Variants in XKR4 observed in about 807,000 individuals in gnomAD.
The protein encoded by XKR4 is XK related 4.
A neutral mutation model predicts 53.9 loss-of-function variants in XKR4; 12 were observed. That is an observed-to-expected ratio of 0.22 (90% CI 0.14 to 0.36). The LOEUF (loss-of-function observed/expected upper bound fraction) is 0.36. XKR4 is among the 10% of genes least tolerant of loss of function. The pLI, the probability that XKR4 is intolerant of heterozygous loss-of-function variation, is 1.00. For synonymous variants in XKR4, 354 were observed against 362.4 expected (o/e 0.98, Z 0.26); for missense variants, 799 against 859.5 (o/e 0.93, Z 0.88).
Position 55,300,715 on chromosome 8 carries a change from A to G in XKR4, c.807-56963A>G, listed in dbSNP as rs200113356. On this transcript the variant is annotated intron_variant, in intron 1 of 2. Transcript: ENST00000327381. The stretch of plus-strand genomic sequence containing the variant: ...GGCCACCTTCAGGGCAGCTTTACTA[A>G]ATGTGGGGGAATAAGGTGCTTCCAT... Among the ~76,000 whole-genome samples, 7 of 152,192 alleles carry G rather than the reference A, an allele frequency of 4.6e-5. No homozygotes were observed. In the East Asian group the frequency reaches 1.4e-3, roughly 30 times the overall value.
chr8:55,363,291 C>T (rs747171222), intron 2 of XKR4, among the ~76,000 whole-genome samples: 2 of 152,174 alleles, frequency 1.3e-5, no homozygotes, highest in Non-Finnish European at 2.9e-5. Context: ...ACCGACTTCT[C>T]ATTCCTTCAT....
chr8:55,408,679 T>C (rs1349703011), intron 2 of XKR4, among the ~76,000 whole-genome samples: 1 of 152,106 alleles, frequency 6.6e-6, no homozygotes, highest in Admixed American at 6.5e-5. Context: ...CCCAAGCTTG[T>C]AGGCTATTGG....
At chr8:55,474,933 T>C (rs2975955) in intron 2 of XKR4, among the ~76,000 whole-genome samples, 116,432 of 152,056 alleles carry the variant, frequency 0.77, 45,372 homozygotes, top group African/African-American at 0.91. Context: ...CTTAGAGTCC[T>C]GAGCAAGGAA....
intron 1 of XKR4, among the ~76,000 whole-genome samples, chr8:55,206,879 A>C (rs1220713393): frequency 1.3e-5 from 2 of 152,244 alleles, no homozygotes; most frequent in African/African-American, 4.8e-5. Context: ...AAGGCTTAGA[A>C]TTACAGAGCA....
chr8:55,180,673 A>G (rs1817298309), intron 1 of XKR4, among the ~76,000 whole-genome samples: 2 of 152,096 alleles, frequency 1.3e-5, no homozygotes, highest in African/African-American at 4.8e-5. Flanking sequence ...CTGGGATTAC[A>G]GGCACCCGCC....
At chr8:55,403,909 A>G (rs1804646128) in intron 2 of XKR4, among the ~76,000 whole-genome samples, 1 of 152,246 alleles carries the variant, frequency 6.6e-6, no homozygotes. Flanking sequence ...CCGGAAGCTC[A>G]TAGAACGCCA....
At chr8:55,329,591 C>T (rs781610823) in intron 1 of XKR4, among the ~76,000 whole-genome samples, 1 of 152,150 alleles carries the variant, frequency 6.6e-6, no homozygotes, top group African/African-American at 2.4e-5. Context: ...CATGTCTTAA[C>T]TTAGTAATTA....
At position 55,333,582 on chromosome 8, in the gene XKR4, C is replaced by T. The variant is rs145753023; in HGVS notation, c.807-24096C>T. 1.9e-3 allele frequency among the ~76,000 whole-genome samples: 290 copies of T among 152,248 alleles called. 1 individual carries two copies. Among genetic ancestry groups the T allele is most frequent in the African/African-American group, 6.6e-3 (276 of 41,548 alleles). ...TCTATTGTATTTCTCAATCAGTAAT[C>T]TCTGGCCTCAGGTATCTGTGGGTGT... On this transcript the variant is annotated intron_variant, in intron 1 of 2. Transcript: ENST00000327381.
rs1261942782 is a variant in XKR4, at chr8:55,304,388, A to C, written c.807-53290A>C. ...AGTTTGTTATAATTTGTGTTCTTTT[A>C]CATTTGCTGAGGAGTGCTTTACTTC... On this transcript the variant is annotated intron_variant, in intron 1 of 2. Transcript: ENST00000327381. Among the ~76,000 whole-genome samples, 3 of 152,122 alleles carry C rather than the reference A, an allele frequency of 2.0e-5. No individual in the cohort carries two copies. The East Asian group carries it at 5.8e-4, about 29-fold the overall frequency.
At chr8:55,389,549 A>T (rs1046599595) in intron 2 of XKR4, among the ~76,000 whole-genome samples, 3 of 152,234 alleles carry the variant, frequency 2.0e-5, no homozygotes, top group African/African-American at 4.8e-5. Flanking sequence ...ATGAAATTTC[A>T]AGGGAAGATG....
At position 55,494,738 on chromosome 8, in the gene XKR4, C is replaced by T. The variant is rs554793605; in HGVS notation, c.1007-28543C>T. Among the ~76,000 whole-genome samples the T allele has an allele frequency of 4.6e-5, 7 of 152,322 alleles. No homozygotes were observed. In the South Asian group the frequency reaches 1.5e-3, roughly 32 times the overall value. On this transcript the variant is annotated intron_variant, in intron 2 of 2. Coordinates refer to ENST00000327381, the MANE Select transcript of XKR4 (RefSeq NM_052898.2). ...GTTGTCTGTCCTTTCTCCATCCTCT[C>T]TTTGAGTCTGGCTGAGTCTGGGGTT...
intron 2 of XKR4, among the ~76,000 whole-genome samples, chr8:55,466,902 A>G (rs113931817): frequency 6.6e-6 from 1 of 152,218 alleles, no homozygotes; most frequent in Non-Finnish European, 1.5e-5. Context: ...TTATTTGATT[A>G]AAAAATTTAT....
rs111618862 is a variant in XKR4 at position 55,463,166 on chromosome 8, A to G, written c.1007-60115A>G. 3.3e-3 allele frequency among the ~76,000 whole-genome samples: 503 copies of G among 152,324 alleles called. 6 individuals are homozygous for G. The highest frequency in any genetic ancestry group is 0.011 in the African/African-American group (475 of 41,560). On this transcript the variant is annotated intron_variant, in intron 2 of 2. Transcript: ENST00000327381. The stretch of plus-strand genomic sequence containing the variant: ...GAACTCTCCACCCCAAATCAACAGA[A>G]TATACATTCTTTTCAGCACTACACC...
intron 2 of XKR4, chr8:55,454,467 GCTC>G: frequency 8.5e-7 from 1 of 1,176,768 alleles, no homozygotes; most frequent in Non-Finnish European, 1.2e-6. Context: ...AGAACCTCGT[GCTC>G]CATGAGGGTG....
At position 55,346,081 on chromosome 8, in the gene XKR4, C is replaced by CT. The variant is rs796574998; in HGVS notation, c.807-11582dup. ...AGTATAGAATTTACATTTTCTTTTT[C>CT]TTTTTTTTTTTTTTTCTTTTTTGAG... On this transcript the variant is annotated intron_variant, in intron 1 of 2. Transcript: ENST00000327381. Among the ~76,000 whole-genome samples, 757 of 137,576 alleles carry CT rather than the reference C, an allele frequency of 5.5e-3. 4 individuals carry two copies. The highest frequency in any genetic ancestry group is 0.026 in the Middle Eastern group (7 of 270). The allele number at this position is 137,576 out of a possible 152,430, so 90.3% of individuals were successfully genotyped here. A position where few individuals can be genotyped will look rare whatever the true frequency, so the allele number is the denominator to read the frequency against.
At chr8:55,497,238 A>G (rs1344447238) in intron 2 of XKR4, among the ~76,000 whole-genome samples, 1 of 152,242 alleles carries the variant, frequency 6.6e-6, no homozygotes, top group Non-Finnish European at 1.5e-5. Context: ...AAGTCAAATA[A>G]GAGATTGAAT....
intron 1 of XKR4, among the ~76,000 whole-genome samples, chr8:55,310,747 A>G (rs936938431): frequency 6.6e-6 from 1 of 152,270 alleles, no homozygotes; most frequent in Middle Eastern, 3.4e-3. Context: ...AGTTCTTTAT[A>G]TGGTTTTCAG....
chr8:55,231,624 C>A (rs1286997196), intron 1 of XKR4, among the ~76,000 whole-genome samples: 2 of 140,132 alleles, frequency 1.4e-5, no homozygotes, highest in African/African-American at 5.2e-5. Flanking sequence ...GATGATCGAT[C>A]ATATTTTTTT....
chr8:55,357,889 C>A lies in XKR4; in HGVS notation c.1006+12C>A, dbSNP rs1410698105. ...ACAGGCCCTCCAAGGTAAGGGCTTG[C>A]AATTTGGTTTCTGAATTTGGGGAAA... On this transcript the variant is annotated intron_variant, in intron 2 of 2. Coordinates refer to ENST00000327381, the MANE Select transcript of XKR4 (RefSeq NM_052898.2). The A allele has an allele frequency of 6.2e-7, 1 of 1,603,126 alleles. No homozygotes were observed. Among genetic ancestry groups the A allele is most frequent in the Non-Finnish European group, 8.5e-7 (1 of 1,171,822 alleles).
Sources: allele counts gnomAD v4.1 joint callset (sites outside exome capture counted in the v4.1 genomes callset), GRCh38; gene constraint gnomAD v4.1.1; transcripts MANE v1.5; gene names NCBI Gene and HGNC (gene_info 2026-07-23, HGNC 2026-07-21).